The following IFI44L variants were observed in gnomAD, a reference collection of about 807,000 sequenced individuals.
The protein encoded by IFI44L is interferon-induced protein 44-like.
Under a neutral mutation model 39.3 loss-of-function variants are expected in IFI44L, and 40 were observed. That is an observed-to-expected ratio of 1.02 (90% confidence interval 0.79 to 1.33). The LOEUF (loss-of-function observed/expected upper bound fraction) is 1.33. Ranked by LOEUF, IFI44L falls within the 40% of genes most tolerant of loss-of-function variation. The pLI is 0.00. For synonymous variants in IFI44L, 198 were observed against 182.3 expected (o/e 1.09, Z -0.69); for missense variants, 623 against 549.0 (o/e 1.13, Z -1.35).
In IFI44L at chr1:78,642,333, T is replaced by C. The variant is rs968917452; in HGVS notation, c.*524T>C. The C allele has an allele frequency of 1.5e-5, 2 of 133,792 alleles. No individual in the cohort carries two copies. Among genetic ancestry groups the C allele is most frequent in the Non-Finnish European group, 3.1e-5 (2 of 63,542 alleles). 8.3% of individuals were successfully genotyped at this position (133,792 alleles called of 1,614,324 possible). A position where few individuals can be genotyped will look rare whatever the true frequency, so the allele number is the denominator to read the frequency against. ...CACATTCACTTTAAATTTTTCTGTA[T>C]ATAGAAAGGAAAACTAGCCTGGGCA... On this transcript the variant is annotated 3_prime_UTR_variant, in exon 9 of 9. Transcript: ENST00000370751.
intron 4 of IFI44L, among the ~76,000 whole-genome samples, chr1:78,630,728 C>T (rs1366321598): frequency 2.0e-5 from 3 of 152,068 alleles, no homozygotes; most frequent in African/African-American, 4.8e-5. Context: ...GCTTTTGTGT[C>T]ACATTCAATA....
rs1646988532 is a variant in IFI44L, at chr1:78,641,780, A to G, written c.1330A>G (p.Ile444Val). Residue 444 changes from isoleucine (I) to valine (V), a missense_variant, in exon 9 of 9, where the codon ATT (isoleucine) becomes GTT (valine). Ile to Val is a conservative substitution (Grantham distance 29). Coordinates refer to ENST00000370751, the MANE Select transcript of IFI44L (RefSeq NM_006820.4). ...EDLPLEETGAIERALQPCI is the reference protein window; with the variant it reads ...EDLPLEETGAVERALQPCI ...CTTGTTTGTTTCATTTTCAGGTGCAATTGAGAGAGCGTTACAGCCCTGCAT... is the reference window on the plus strand; with the variant it reads ...CTTGTTTGTTTCATTTTCAGGTGCAGTTGAGAGAGCGTTACAGCCCTGCAT... 1 of 1,613,594 alleles carries G rather than the reference A, an allele frequency of 6.2e-7. No individual in the cohort carries two copies. The highest frequency in any genetic ancestry group is 1.3e-5 in the African/African-American group (1 of 74,888).
chr1:78,625,015 T>G (rs1299782506), intron 1 of IFI44L, among the ~76,000 whole-genome samples: 1 of 152,102 alleles, frequency 6.6e-6, no homozygotes, highest in African/African-American at 2.4e-5. Flanking sequence ...GACAGCATGC[T>G]GTTGTATTTT....
chr1:78,629,009 A>G lies in IFI44L; in HGVS notation c.527+10A>G. ...TAATTAAAGCCAGAGAGTAAGTTGG[A>G]TTCTTGGGCTATCTATTAATCATTT... is the stretch of plus-strand genomic sequence containing the variant. On this transcript the variant is annotated intron_variant, in intron 3 of 8. Transcript: ENST00000370751. 6.4e-7 allele frequency: 1 copy of G among 1,551,710 alleles called. No homozygotes were observed. Among genetic ancestry groups the G allele is most frequent in the Non-Finnish European group, 8.9e-7 (1 of 1,124,010 alleles).
chr1:78,629,715 A>G lies in IFI44L; in HGVS notation c.528-5A>G, dbSNP rs1363189545. The G allele has an allele frequency of 6.2e-7, 1 of 1,604,412 alleles. No individual in the cohort carries two copies. Among genetic ancestry groups the G allele is most frequent in the South Asian group, 1.1e-5 (1 of 89,610 alleles). On this transcript the variant is annotated splice_polypyrimidine_tract_variant and splice_region_variant and intron_variant, in intron 3 of 8. Transcript: ENST00000370751. The stretch of plus-strand genomic sequence containing the variant: ...ATGCTGTATTTAACCACTATATTTT[A>G]ACAGGCACAGAAATAGGCTTCTAGC...
At chr1:78,636,869 A>G (rs1281930005) in intron 5 of IFI44L, 163 bp from the exon 6 acceptor site, 6 of 550,794 alleles carry the variant, frequency 1.1e-5, no homozygotes, top group African/African-American at 1.0e-4. Context: ...CATTATGCTC[A>G]CAGTGGAAAG....
chr1:78,623,717 A>T (rs273244), intron 1 of IFI44L, among the ~76,000 whole-genome samples: 59,643 of 151,616 alleles, frequency 0.39, 12,312 homozygotes, highest in East Asian at 0.76. Context: ...CCAGTCTGAA[A>T]TCAAAGTCCT....
At chr1:78,638,877 A>G (rs909172489) in intron 6 of IFI44L, among the ~76,000 whole-genome samples, 2 of 152,144 alleles carry the variant, frequency 1.3e-5, no homozygotes, top group Admixed American at 6.6e-5. Context: ...GATGTGACAA[A>G]TGATTTTTAA....
chr1:78,622,145 A>T (rs540001593), intron 1 of IFI44L, among the ~76,000 whole-genome samples: 4 of 152,250 alleles, frequency 2.6e-5, no homozygotes, highest in African/African-American at 9.6e-5. Context: ...CATTTATAAG[A>T]TCAACATTTT....
At chr1:78,624,961 A>AT (rs1652429776) in intron 1 of IFI44L, among the ~76,000 whole-genome samples, 1 of 151,758 alleles carries the variant, frequency 6.6e-6, no homozygotes, top group African/African-American at 2.4e-5. Context: ...TTATCACTTG[A>AT]TTTTCATCCT....
At chr1:78,638,746 G>A (rs1395636593) in intron 6 of IFI44L, among the ~76,000 whole-genome samples, 3 of 151,964 alleles carry the variant, frequency 2.0e-5, no homozygotes, top group Admixed American at 2.0e-4. Context: ...TGGTTCTTAA[G>A]CATTTTTATG....
chr1:78,639,959 A>ATC (rs1286332375), intron 6 of IFI44L, among the ~76,000 whole-genome samples: 1 of 152,144 alleles, frequency 6.6e-6, no homozygotes, highest in African/African-American at 2.4e-5. Flanking sequence ...TCTGAACTTT[A>ATC]TCTCCTGTTC....
At position 78,621,707 on chromosome 1, in the gene IFI44L, A is replaced by G. The variant is rs183566536; in HGVS notation, c.-11+1136A>G. ...TTTATCTAAATATGATCTCTAGTAT[A>G]ATTTGTTAAAATTACTTCTGTTTTT... is the stretch of plus-strand genomic sequence containing the variant. On this transcript the variant is annotated intron_variant, in intron 1 of 8. Transcript: ENST00000370751. 1.8e-3 allele frequency among the ~76,000 whole-genome samples: 279 copies of G among 152,162 alleles called. 1 individual carries two copies. Among genetic ancestry groups the G allele is most frequent in the Middle Eastern group, 6.8e-3 (2 of 294 alleles).
At chr1:78,621,571 C>T (rs777632240) in intron 1 of IFI44L, among the ~76,000 whole-genome samples, 3 of 152,058 alleles carry the variant, frequency 2.0e-5, no homozygotes, top group Non-Finnish European at 2.9e-5. Context: ...CACACCTAGC[C>T]TCTCCTATAT....
At chr1:78,640,697 G>A (rs1570368687) in intron 6 of IFI44L, among the ~76,000 whole-genome samples, 1 of 152,010 alleles carries the variant, frequency 6.6e-6, no homozygotes, top group South Asian at 2.1e-4. Flanking sequence ...TCTTTTTCTT[G>A]TGGTTCTTTT....
intron 4 of IFI44L, among the ~76,000 whole-genome samples, chr1:78,633,192 T>C (rs996197148): frequency 1.3e-5 from 2 of 152,172 alleles, no homozygotes; most frequent in African/African-American, 4.8e-5. Context: ...GAGAGAACTG[T>C]CATCTGCTTT....
At chr1:78,624,843 T>C (rs568326677) in intron 1 of IFI44L, among the ~76,000 whole-genome samples, 1 of 152,196 alleles carries the variant, frequency 6.6e-6, no homozygotes, top group Non-Finnish European at 1.5e-5. Context: ...CTTCATAGCC[T>C]GTTATGACAG....
intron 8 of IFI44L, 24 bp from the exon 9 acceptor site, chr1:78,641,751 C>T: frequency 1.2e-6 from 2 of 1,613,334 alleles, no homozygotes; most frequent in Non-Finnish European, 1.7e-6. Context: ...GTTTCATTTC[C>T]ACTCTTGTTT....
chr1:78,637,183 AC>A lies in IFI44L; in HGVS notation c.1029del (p.His343GlnfsTer5). 6.8e-6 allele frequency: 11 copies of A among 1,607,624 alleles called. No individual in the cohort carries two copies. The highest frequency in any genetic ancestry group is 9.3e-6 in the Non-Finnish European group (11 of 1,177,766). Reference protein sequence around the residue: ...SKMLAKVKQVHKEVLNCGIAY... With the variant: ...SKMLAKVKQVXKEVLNCGIAY... ...ATGTTGGCAAAAGTGAAGCAAGTTC[AC>A]AAAGAAGTATTAAACTGTGGTGAGT... is the stretch of plus-strand genomic sequence containing the variant. On this transcript the variant is annotated frameshift_variant, in exon 6 of 9. Transcript: ENST00000370751. LOFTEE classifies it high-confidence loss of function.
Sources: allele counts gnomAD v4.1 joint callset (sites outside exome capture counted in the v4.1 genomes callset), GRCh38; gene constraint gnomAD v4.1.1; transcripts MANE v1.5; gene names NCBI Gene and HGNC (gene_info 2026-07-23, HGNC 2026-07-21).